PARD3B: variants seen among roughly 807,000 people sequenced by gnomAD.
PARD3B encodes the protein partitioning defective 3 homolog B.
Under a neutral mutation model 130.2 loss-of-function variants are expected in PARD3B, and 103 were observed. That is an observed-to-expected ratio of 0.79 (90% CI 0.67 to 0.93). The LOEUF (loss-of-function observed/expected upper bound fraction) is 0.93. Among genes scored for constraint, PARD3B ranks in the 40% least tolerant of loss-of-function variants. PARD3B has a pLI of 0.00. For synonymous variants in PARD3B, 583 were observed against 553.2 expected, an observed-to-expected ratio of 1.05 and a Z score of -0.76; for missense variants, 1,609 against 1,499.2, an observed-to-expected ratio of 1.07 and a Z score of -1.21.
intron 4 of PARD3B, among the ~76,000 whole-genome samples, chr2:205,104,035 T>C (rs558952561): frequency 6.6e-6 from 1 of 152,262 alleles, no homozygotes; most frequent in East Asian, 1.9e-4. Flanking sequence ...TATATTTTAA[T>C]GTTGTGAGGG....
Position 204,848,665 on chromosome 2 carries a change from G to A in PARD3B, c.223-116487G>A, listed in dbSNP as rs1416361760. Among the ~76,000 whole-genome samples the A allele has an allele frequency of 2.0e-5, 3 of 147,046 alleles. No individual in the cohort carries two copies. The South Asian group carries it at 6.4e-4, about 32-fold the overall frequency. The stretch of plus-strand genomic sequence containing the variant: ...TGTCTATCTATCTATCTATCTATCT[G>A]TCTGTCTGTGTATCTATCTATTATT... On this transcript the variant is annotated intron_variant, in intron 2 of 22. Coordinates refer to ENST00000406610, the MANE Select transcript of PARD3B (RefSeq NM_001302769.2).
At chr2:204,592,899 T>C (rs1307019927) in intron 1 of PARD3B, among the ~76,000 whole-genome samples, 1 of 152,234 alleles carries the variant, frequency 6.6e-6, no homozygotes, top group African/African-American at 2.4e-5. Flanking sequence ...TCCTTTGTGA[T>C]TAGCTTCTTT....
chr2:204,936,281 G>A (rs1237489688), intron 2 of PARD3B, among the ~76,000 whole-genome samples: 1 of 152,196 alleles, frequency 6.6e-6, no homozygotes, highest in South Asian at 2.1e-4. Context: ...TCTGCCTACT[G>A]GTAGCAATAG....
chr2:205,077,645 G>A (rs989351861), intron 4 of PARD3B, among the ~76,000 whole-genome samples: 17 of 152,034 alleles, frequency 1.1e-4, no homozygotes, highest in African/African-American at 4.1e-4. Flanking sequence ...ATGATTCCAA[G>A]GAAATTTAAA....
chr2:204,908,609 A>C, intron 2 of PARD3B, among the ~76,000 whole-genome samples: 1 of 152,232 alleles, frequency 6.6e-6, no homozygotes, highest in East Asian at 1.9e-4. Flanking sequence ...GAGATACAAA[A>C]GAATACACGA....
At chr2:205,157,579 C>G (rs1438105208) in intron 10 of PARD3B, among the ~76,000 whole-genome samples, 1 of 152,090 alleles carries the variant, frequency 6.6e-6, no homozygotes, top group African/African-American at 2.4e-5. Context: ...TTCTTTGCTA[C>G]TTCTGATTTT....
At chr2:205,013,669 G>A (rs1695899935) in intron 3 of PARD3B, among the ~76,000 whole-genome samples, 1 of 152,140 alleles carries the variant, frequency 6.6e-6, no homozygotes. Context: ...AGAAACAAAA[G>A]CAAAAAATCA....
At chr2:205,199,972 T>TAA (rs1331195840) in intron 15 of PARD3B, among the ~76,000 whole-genome samples, 1 of 144,976 alleles carries the variant, frequency 6.9e-6, no homozygotes, top group African/African-American at 2.5e-5. Context: ...TTTGTGAAAT[T>TAA]AAAAAAAAAA....
chr2:205,016,684 G>A (rs1009259125), intron 3 of PARD3B, among the ~76,000 whole-genome samples: 2 of 152,136 alleles, frequency 1.3e-5, no homozygotes, highest in Non-Finnish European at 2.9e-5. Context: ...GGTTTGCAAG[G>A]CATTGCTCAG....
At position 205,268,703 on chromosome 2, in the gene PARD3B, T is replaced by C. The variant is rs896887303; in HGVS notation, c.2185+22881T>C. ...GATGAGTCCAAAATAAGTTTTAAAA[T>C]AAAATGAAGTATAATTTTGAGGAAT... On this transcript the variant is annotated intron_variant, in intron 16 of 22. Transcript: ENST00000406610. The surrounding 1 kb of genome is among the most constrained non-coding windows in gnomAD (Gnocchi z 4.1). Among the ~76,000 whole-genome samples the C allele has an allele frequency of 6.6e-6, 1 of 152,152 alleles. No individual in the cohort carries two copies. The highest frequency in any genetic ancestry group is 6.5e-5 in the Admixed American group (1 of 15,272).
chr2:204,761,607 A>T (rs2040900012), intron 2 of PARD3B, among the ~76,000 whole-genome samples: 1 of 152,124 alleles, frequency 6.6e-6, no homozygotes, highest in African/African-American at 2.4e-5. Flanking sequence ...ACAAAAAAAA[A>T]AAATAGATTT....
At chr2:205,500,658 C>A (rs1039247534) in intron 21 of PARD3B, among the ~76,000 whole-genome samples, 2 of 152,180 alleles carry the variant, frequency 1.3e-5, no homozygotes, top group African/African-American at 4.8e-5. Flanking sequence ...TCTGTGCCTA[C>A]AAGATGTACT....
intron 20 of PARD3B, chr2:205,482,532 G>A (rs1378697909): frequency 6.6e-6 from 1 of 152,274 alleles, no homozygotes; most frequent in East Asian, 1.9e-4. Flanking sequence ...AGGGGCTACT[G>A]GACAGTAATA....
chr2:205,343,990 A>G (rs1233743955), intron 18 of PARD3B, among the ~76,000 whole-genome samples: 1 of 152,178 alleles, frequency 6.6e-6, no homozygotes, highest in Non-Finnish European at 1.5e-5. Flanking sequence ...GGGGAAGAGT[A>G]TCGTCAACAG....
chr2:204,723,779 T>C (rs2039099278), intron 2 of PARD3B, among the ~76,000 whole-genome samples: 1 of 151,892 alleles, frequency 6.6e-6, no homozygotes, highest in Non-Finnish European at 1.5e-5. Context: ...AGAAAGTGAG[T>C]ATAATGGCAA....
chr2:205,114,400 A>G (rs376919497), intron 6 of PARD3B, among the ~76,000 whole-genome samples: 6 of 152,138 alleles, frequency 3.9e-5, no homozygotes, highest in African/African-American at 1.4e-4. Flanking sequence ...AACTTAAAAG[A>G]AAATCAGTTT....
chr2:204,939,722 A>G (rs1433422935), intron 2 of PARD3B, among the ~76,000 whole-genome samples: 3 of 152,228 alleles, frequency 2.0e-5, no homozygotes, highest in African/African-American at 7.2e-5. Flanking sequence ...ATCCATATCT[A>G]TAATTTAAGT....
Position 205,309,430 on chromosome 2 carries a change from T to G in PARD3B, c.2630+7729T>G. 6.6e-6 allele frequency among the ~76,000 whole-genome samples: 1 copy of G among 152,234 alleles called. No homozygotes were observed. Among genetic ancestry groups the G allele is most frequent in the Non-Finnish European group, 1.5e-5 (1 of 68,042 alleles). On this transcript the variant is annotated intron_variant, in intron 18 of 22. Transcript: ENST00000406610. This position sits in a 1 kb window ranked among gnomAD's most constrained non-coding sequence, Gnocchi z 4.7. ...TTTTTAACAATCTAGAGGCATCAACTTTTTGTTCCTAAGCCTTACAGATTT... is the reference window on the plus strand; with the variant it reads ...TTTTTAACAATCTAGAGGCATCAACGTTTTGTTCCTAAGCCTTACAGATTT...
intron 2 of PARD3B, among the ~76,000 whole-genome samples, chr2:204,953,132 T>C (rs929426131): frequency 1.3e-4 from 19 of 151,624 alleles, no homozygotes; most frequent in Non-Finnish European, 2.6e-4. Context: ...AAACAGCATA[T>C]AATTTTATAG....
Sources: gnomAD v4.1 joint callset for allele counts (sites outside exome capture counted in the v4.1 genomes callset) on GRCh38, gnomAD v4.1.1 for gene constraint, Gnocchi (gnomAD v3.1) non-coding constraint, MANE v1.5 for transcripts, NCBI Gene and HGNC (gene_info 2026-07-23, HGNC 2026-07-21) for gene names.